AKT3: variants seen among roughly 807,000 people sequenced by gnomAD.
AKT3 encodes RAC-gamma serine/threonine-protein kinase.
A neutral mutation model predicts 65.3 loss-of-function variants in AKT3; 15 were observed. That is an observed-to-expected ratio of 0.23 (90% CI 0.15 to 0.35). AKT3 has a LOEUF of 0.35. AKT3 is among the 10% of genes least tolerant of loss of function. The pLI, the probability that AKT3 is intolerant of heterozygous loss-of-function variation, is 1.00. For missense variants in AKT3, 243 were observed against 576.5 expected, an observed-to-expected ratio of 0.42 and a Z score of 5.92; for synonymous variants, 206 against 183.8, an observed-to-expected ratio of 1.12 and a Z score of -0.98.
intron 3 of AKT3, among the ~76,000 whole-genome samples, chr1:243,686,716 TGA>T (rs1442938829): frequency 7.6e-6 from 1 of 131,384 alleles, no homozygotes; most frequent in Admixed American, 8.3e-5. Context: ...CGCCAAGGCT[TGA>T]GTACAGTGGC....
At chr1:243,733,815 G>C (rs987493210) in intron 2 of AKT3, among the ~76,000 whole-genome samples, 1 of 152,150 alleles carries the variant, frequency 6.6e-6, no homozygotes, top group Non-Finnish European at 1.5e-5. Flanking sequence ...CTAATCAAGT[G>C]AGCATATGCT....
chr1:243,713,746 T>TAAAAAAA (rs572960154), intron 2 of AKT3, among the ~76,000 whole-genome samples: 4 of 82,966 alleles, frequency 4.8e-5, no homozygotes, highest in East Asian at 4.0e-4. Context: ...TTTGCCTTAA[T>TAAAAAAA]AAAAAAAAAA....
At chr1:243,648,869 T>C (rs1681051294) in intron 4 of AKT3, among the ~76,000 whole-genome samples, 1 of 152,138 alleles carries the variant, frequency 6.6e-6, no homozygotes, top group East Asian at 1.9e-4. Context: ...AAGAGTACTT[T>C]TGGTTTTATT....
intron 8 of AKT3, among the ~76,000 whole-genome samples, chr1:243,598,736 A>G (rs1676806548): frequency 6.6e-6 from 1 of 152,208 alleles, no homozygotes; most frequent in Non-Finnish European, 1.5e-5. Context: ...CCTCAAAGAG[A>G]TAACTAAATT....
At chr1:243,774,600 A>G (rs1171556139) in intron 2 of AKT3, among the ~76,000 whole-genome samples, 1 of 152,190 alleles carries the variant, frequency 6.6e-6, no homozygotes, top group Non-Finnish European at 1.5e-5. Context: ...TAAAAAAAAG[A>G]AAAGCCCCAA....
chr1:243,495,955 G>C (rs747310861), downstream of AKT3, among the ~76,000 whole-genome samples: 10 of 152,138 alleles, frequency 6.6e-5, no homozygotes. Context: ...TCAGCTCTGC[G>C]TTGCTTCAGA....
intron 2 of AKT3, chr1:243,817,981 T>C (rs1320034973): frequency 6.6e-6 from 1 of 152,224 alleles, no homozygotes; most frequent in African/African-American, 2.4e-5. Flanking sequence ...GTCTTAACAA[T>C]CCCACTTAGG....
At chr1:243,848,284 A>C (rs1360884920) in intron 1 of AKT3, among the ~76,000 whole-genome samples, 2 of 152,224 alleles carry the variant, frequency 1.3e-5, no homozygotes, top group Non-Finnish European at 2.9e-5. Context: ...AAGATAATGT[A>C]CTGGCAAAAG....
chr1:243,824,496 C>T (rs986884506), intron 2 of AKT3, among the ~76,000 whole-genome samples: 2 of 152,094 alleles, frequency 1.3e-5, no homozygotes, highest in African/African-American at 4.8e-5. Context: ...AAAATTTTTG[C>T]AATCTATCCA....
Position 243,733,726 on chromosome 1 carries a change from T to C in AKT3, c.47-38010A>G, listed in dbSNP as rs529552210. ...TATAAAAGTTATATTTACACTACACTATAGTCTATTAAATGTGCAATAGCA... is the reference window on the plus strand; with the variant it reads ...TATAAAAGTTATATTTACACTACACCATAGTCTATTAAATGTGCAATAGCA... On this transcript the variant is annotated intron_variant, in intron 2 of 13. Coordinates refer to ENST00000673466, the MANE Select transcript of AKT3 (RefSeq NM_005465.7). Among the ~76,000 whole-genome samples, 358 of 152,348 alleles carry C rather than the reference T, an allele frequency of 2.3e-3. 2 individuals are homozygous for C. Among genetic ancestry groups the C allele is most frequent in the African/African-American group, 8.4e-3 (351 of 41,588 alleles).
At chr1:243,664,035 T>C (rs1235801466) in intron 4 of AKT3, among the ~76,000 whole-genome samples, 1 of 152,114 alleles carries the variant, frequency 6.6e-6, no homozygotes, top group African/African-American at 2.4e-5. Flanking sequence ...TCAGAATCCT[T>C]AGCAACTTAG....
chr1:243,792,349 A>G (rs1160428387), intron 2 of AKT3, among the ~76,000 whole-genome samples: 1 of 152,174 alleles, frequency 6.6e-6, no homozygotes, highest in Non-Finnish European at 1.5e-5. Context: ...CATGTGCCCG[A>G]CATTATAGAT....
At chr1:243,509,040 T>C (rs958650806) in intron 13 of AKT3, among the ~76,000 whole-genome samples, 1 of 152,186 alleles carries the variant, frequency 6.6e-6, no homozygotes, top group Non-Finnish European at 1.5e-5. Context: ...GTTACTACAA[T>C]GTACAGGCTT....
intron 2 of AKT3, among the ~76,000 whole-genome samples, chr1:243,823,403 T>C (rs896573885): frequency 2.0e-5 from 3 of 152,280 alleles, no homozygotes; most frequent in South Asian, 2.1e-4. Flanking sequence ...CTATTTAACA[T>C]AGTATTGGAA....
chr1:243,560,991 T>C (rs2148482440), intron 10 of AKT3, among the ~76,000 whole-genome samples: 1 of 152,246 alleles, frequency 6.6e-6, no homozygotes, highest in Middle Eastern at 3.4e-3. Flanking sequence ...AAAACAATTC[T>C]ATTCTAGAAA....
At chr1:243,580,973 C>T (rs1329564489) in intron 8 of AKT3, among the ~76,000 whole-genome samples, 1 of 152,178 alleles carries the variant, frequency 6.6e-6, no homozygotes, top group Non-Finnish European at 1.5e-5. Flanking sequence ...TCACCCCACC[C>T]CTCCTATGCA....
intron 2 of AKT3, chr1:243,734,850 A>G (rs1368433316): frequency 2.0e-5 from 3 of 152,238 alleles, no homozygotes; most frequent in Admixed American, 1.3e-4. Flanking sequence ...CAGCTGTACA[A>G]AAGTATTTTC....
chr1:243,798,602 T>C (rs1319238787), intron 2 of AKT3, among the ~76,000 whole-genome samples: 1 of 152,046 alleles, frequency 6.6e-6, no homozygotes. Flanking sequence ...ATCTTCTCTC[T>C]GTTATCTTTC....
intron 2 of AKT3, among the ~76,000 whole-genome samples, chr1:243,754,068 T>C (rs1284496795): frequency 6.6e-6 from 1 of 152,188 alleles, no homozygotes; most frequent in Non-Finnish European, 1.5e-5. Flanking sequence ...TTTCCCAGTT[T>C]CCTTATTATA....
Sources: allele counts gnomAD v4.1 joint callset (sites outside exome capture counted in the v4.1 genomes callset), GRCh38; gene constraint gnomAD v4.1.1; transcripts MANE v1.5; gene names NCBI Gene and HGNC (gene_info 2026-07-23, HGNC 2026-07-21).